Variants in CTNND2 observed in about 807,000 individuals in gnomAD.
CTNND2 encodes the protein catenin delta 2.
Under a neutral mutation model 144.4 loss-of-function variants are expected in CTNND2, and 22 were observed. That is an observed-to-expected ratio of 0.15 (90% CI 0.11 to 0.22). The LOEUF is 0.22. CTNND2 is among the 10% of genes least tolerant of loss of function. The probability of loss-of-function intolerance (pLI) is 1.00; values close to 1 mark genes in which losing one functional copy is unlikely to be tolerated. For missense variants in CTNND2, 1,353 were observed against 1,618.8 expected (o/e 0.84, Z 2.82); for synonymous variants, 751 against 695.6 (o/e 1.08, Z -1.25).
At chr5:11,751,557 C>T (rs1429126979) in intron 1 of CTNND2, among the ~76,000 whole-genome samples, 1 of 151,846 alleles carries the variant, frequency 6.6e-6, no homozygotes, top group Non-Finnish European at 1.5e-5. Context: ...CTTCAATGAA[C>T]GTGATCTTGT....
intron 1 of CTNND2, among the ~76,000 whole-genome samples, chr5:11,797,260 C>A (rs529844867): frequency 3.9e-5 from 6 of 152,300 alleles, no homozygotes; most frequent in African/African-American, 1.4e-4. Context: ...CTCTGATATG[C>A]ACACAGGGCA....
intron 9 of CTNND2, among the ~76,000 whole-genome samples, chr5:11,320,729 C>G: frequency 6.6e-6 from 1 of 152,062 alleles, no homozygotes; most frequent in East Asian, 1.9e-4. Context: ...TGGGAAAGAC[C>G]CGCCCCCATG....
intron 1 of CTNND2, among the ~76,000 whole-genome samples, chr5:11,796,792 AT>A (rs1192378179): frequency 6.6e-6 from 1 of 152,136 alleles, no homozygotes; most frequent in Non-Finnish European, 1.5e-5. Flanking sequence ...CATTTCCTAC[AT>A]TTTTATAACA....
chr5:11,835,509 T>C (rs1794129455), intron 1 of CTNND2, among the ~76,000 whole-genome samples: 1 of 152,216 alleles, frequency 6.6e-6, no homozygotes, highest in South Asian at 2.1e-4. Flanking sequence ...GCTATAGAAT[T>C]ATTCAGGTTA....
intron 7 of CTNND2, among the ~76,000 whole-genome samples, chr5:11,382,945 A>C (rs558267506): frequency 3.5e-4 from 53 of 152,196 alleles, no homozygotes; most frequent in African/African-American, 1.2e-3. Context: ...AGCGCAATAC[A>C]ATCTATTTTT....
chr5:11,132,151 A>G (rs1755682290), intron 12 of CTNND2, among the ~76,000 whole-genome samples: 1 of 152,172 alleles, frequency 6.6e-6, no homozygotes, highest in African/African-American at 2.4e-5. Flanking sequence ...ATATTGTTTT[A>G]TTGTGGGGAG....
chr5:11,685,702 A>G (rs1018752010), intron 2 of CTNND2, among the ~76,000 whole-genome samples: 3 of 152,208 alleles, frequency 2.0e-5, no homozygotes, highest in Non-Finnish European at 4.4e-5. Context: ...CAATCCTACT[A>G]CTACGAATTG....
At chr5:11,034,665 C>T (rs543338296) in intron 16 of CTNND2, among the ~76,000 whole-genome samples, 2 of 152,316 alleles carry the variant, frequency 1.3e-5, no homozygotes, top group South Asian at 4.1e-4. Flanking sequence ...AGGCAACTGT[C>T]TCCTAGCCTT....
chr5:11,019,443 T>G (rs1403768715), intron 17 of CTNND2, among the ~76,000 whole-genome samples: 1 of 152,216 alleles, frequency 6.6e-6, no homozygotes, highest in Non-Finnish European at 1.5e-5. Context: ...TGTGCAAAAA[T>G]GCTTCTGAGT....
chr5:11,851,100 G>A (rs1026181299), intron 1 of CTNND2, among the ~76,000 whole-genome samples: 8 of 152,068 alleles, frequency 5.3e-5, no homozygotes, highest in South Asian at 2.1e-4. Context: ...TTGCGTTCCC[G>A]GCCTACTGGC....
chr5:11,746,822 C>T (rs982241467), intron 1 of CTNND2, among the ~76,000 whole-genome samples: 11 of 151,914 alleles, frequency 7.2e-5, no homozygotes, highest in Admixed American at 6.6e-5. Context: ...TATTGTCAGC[C>T]CCATTTTAAA....
At chr5:11,236,622 T>C (rs1315164830) in intron 10 of CTNND2, 69 bp downstream of exon 10, 1 of 1,511,282 alleles carries the variant, frequency 6.6e-7, no homozygotes, top group African/African-American at 1.4e-5. Flanking sequence ...CTTTTCCCCA[T>C]CAACATTAAG....
chr5:11,742,280 C>G (rs772155401), intron 1 of CTNND2, among the ~76,000 whole-genome samples: 1 of 152,092 alleles, frequency 6.6e-6, no homozygotes, highest in Non-Finnish European at 1.5e-5. Flanking sequence ...CAGGAAGGTC[C>G]CTTTTTATCT....
chr5:11,533,444 T>G, intron 3 of CTNND2, among the ~76,000 whole-genome samples: 1 of 152,292 alleles, frequency 6.6e-6, no homozygotes, highest in South Asian at 2.1e-4. Context: ...GCTGGCTTCA[T>G]TGTGAAGAAT....
intron 1 of CTNND2, among the ~76,000 whole-genome samples, chr5:11,865,533 G>A (rs1401116998): frequency 6.6e-6 from 1 of 152,106 alleles, no homozygotes; most frequent in Non-Finnish European, 1.5e-5. Flanking sequence ...TTTATTAATA[G>A]AGACCAGCAA....
intron 9 of CTNND2, among the ~76,000 whole-genome samples, chr5:11,240,508 A>AC (rs1561075937): frequency 3.7e-5 from 4 of 107,622 alleles, no homozygotes; most frequent in Non-Finnish European, 7.5e-5. Context: ...ACACACACCC[A>AC]ACACACACAC....
chr5:11,746,054 G>T (rs1485319993), intron 1 of CTNND2, among the ~76,000 whole-genome samples: 1 of 152,090 alleles, frequency 6.6e-6, no homozygotes, highest in South Asian at 2.1e-4. Flanking sequence ...GATAGAGTTC[G>T]ATCTGCTTTG....
At chr5:11,022,569 A>G (rs1278572443) in intron 17 of CTNND2, among the ~76,000 whole-genome samples, 200 bp downstream of exon 17, 1 of 152,210 alleles carries the variant, frequency 6.6e-6, no homozygotes, top group African/African-American at 2.4e-5. Context: ...GAAGGAGCAC[A>G]TGGGTGTGCT....
chr5:11,527,443 G>T (rs1251505929), intron 3 of CTNND2, among the ~76,000 whole-genome samples: 1 of 152,108 alleles, frequency 6.6e-6, no homozygotes, highest in Non-Finnish European at 1.5e-5. Context: ...CCTTCTGGGA[G>T]CCTGCCCTGG....
Sources: allele counts gnomAD v4.1 joint callset (sites outside exome capture counted in the v4.1 genomes callset), GRCh38; gene constraint gnomAD v4.1.1; transcripts MANE v1.5; gene names NCBI Gene and HGNC (gene_info 2026-07-23, HGNC 2026-07-21).